The following GIMAP6 variants were observed in gnomAD, a reference collection of about 807,000 sequenced individuals.
GIMAP6 encodes GTPase, IMAP family member 6.
In GIMAP6, 6 loss-of-function variants were observed where a neutral mutation model predicts 9.3. The observed-to-expected ratio is 0.65, with a 90% CI of 0.35 to 1.27. The LOEUF is 1.27. GIMAP6 is among the 50% of genes most tolerant of loss of function. GIMAP6 has a pLI of 0.03. For missense variants in GIMAP6, 333 were observed against 359.5 expected (o/e 0.93, Z 0.60); for synonymous variants, 156 against 151.1 (o/e 1.03, Z -0.24).
chr7:150,630,127 A>ATTC lies in GIMAP6; in HGVS notation c.13_15dup (p.Glu5dup). ...GGATTCTCCTGGGGAATTTGTTCAT[A>ATTC]TTCTTCTTCCTCCATCTACAAAAAA... On this transcript the variant is annotated inframe_insertion, in exon 2 of 3. Transcript: ENST00000328902. 1 of 1,351,338 alleles carries ATTC rather than the reference A, an allele frequency of 7.4e-7. No homozygotes were observed. 83.7% of individuals were successfully genotyped at this position (1,351,338 alleles called of 1,614,324 possible). A position where few individuals can be genotyped will look rare whatever the true frequency, so the allele number is the denominator to read the frequency against.
At chr7:150,628,888 A>C in intron 2 of GIMAP6, 1 of 591,332 alleles carries the variant, frequency 1.7e-6, no homozygotes, top group Non-Finnish European at 2.8e-6. Context: ...CTGGTTTCCC[A>C]GTCTTGTCCC....
intron 2 of GIMAP6, 65 bp downstream of exon 2, chr7:150,629,993 T>G (rs1585183573): frequency 9.6e-7 from 1 of 1,046,968 alleles, no homozygotes; most frequent in Admixed American, 2.1e-5. Flanking sequence ...ACTATGGTGG[T>G]GGAGCTGTGT....
At position 150,628,326 on chromosome 7, in the gene GIMAP6, A is replaced by G; in HGVS notation, c.272T>C (p.Leu91Pro). The change falls in exon 3 of 3, where the codon CTT becomes CCT. Residue 91 changes from leucine to proline, a missense_variant. Physicochemically the swap from Leu to Pro is moderately conservative, Grantham distance 98. Transcript: ENST00000328902. Reference sequence around the variant, plus strand: ...AATGTTGGGTGTGTCAATCACCTCAAGCTCCTTCCCAGCCCACTCTCGGCT... The same window carrying G: ...AATGTTGGGTGTGTCAATCACCTCAGGCTCCTTCCCAGCCCACTCTCGGCT... ...RRSREWAGKE[L>P]EVIDTPNILS... The G allele has an allele frequency of 6.2e-7, 1 of 1,614,044 alleles. No individual in the cohort carries two copies. The highest frequency in any genetic ancestry group is 2.2e-5 in the East Asian group (1 of 44,870).
chr7:150,628,528 G>C lies in GIMAP6; in HGVS notation c.86-16C>G. 2 of 1,611,032 alleles carry C rather than the reference G, an allele frequency of 1.2e-6. No individual in the cohort carries two copies. The highest frequency in any genetic ancestry group is 1.7e-6 in the Non-Finnish European group (2 of 1,180,006). On this transcript the variant is annotated splice_polypyrimidine_tract_variant and intron_variant, in intron 2 of 2. Coordinates refer to ENST00000328902, the MANE Select transcript of GIMAP6 (RefSeq NM_024711.6). Reference sequence around the variant, plus strand: ...TCCCTTAGACCTAGAAATATCCAAAGAAAGCAGAGGGAACTGGGGTAAGGG... The same window carrying C: ...TCCCTTAGACCTAGAAATATCCAAACAAAGCAGAGGGAACTGGGGTAAGGG...
At chr7:150,628,817 C>T in intron 2 of GIMAP6, 1 of 1,272,662 alleles carries the variant, frequency 7.9e-7, no homozygotes, top group Non-Finnish European at 1.0e-6. Flanking sequence ...GAAGGGAATT[C>T]CCTTCTCCTG....
At position 150,627,101 on chromosome 7, in the gene GIMAP6, A is replaced by T. The variant is rs1045065549; in HGVS notation, c.*618T>A. The T allele has an allele frequency of 6.4e-6, 1 of 156,040 alleles. No homozygotes were observed. The highest frequency in any genetic ancestry group is 1.4e-5 in the Non-Finnish European group (1 of 70,794). The allele number at this position is 156,040 out of a possible 1,614,324, so 9.7% of individuals were successfully genotyped here. A position where few individuals can be genotyped will look rare whatever the true frequency, so the allele number is the denominator to read the frequency against. Reference sequence around the variant, plus strand: ...CAACGGGGCTTGTTTGTTACAGCTCAAGAGTGAATAAAAGGGCTGCTCCTC... The same window carrying T: ...CAACGGGGCTTGTTTGTTACAGCTCTAGAGTGAATAAAAGGGCTGCTCCTC... On this transcript the variant is annotated 3_prime_UTR_variant, in exon 3 of 3. Transcript: ENST00000328902.
In GIMAP6 at chr7:150,627,050, C is replaced by T. The variant is rs1284182486; in HGVS notation, c.*669G>A. ...TTCTTGGATACCCTGCCCCAAACTT[C>T]TCCCATCATTCCCACTAGGAAGTTC... On this transcript the variant is annotated 3_prime_UTR_variant, in exon 3 of 3. Coordinates refer to ENST00000328902, the MANE Select transcript of GIMAP6 (RefSeq NM_024711.6). 6.5e-6 allele frequency: 1 copy of T among 152,988 alleles called. No homozygotes were observed. The highest frequency in any genetic ancestry group is 1.9e-4 in the East Asian group (1 of 5,202). 9.5% of individuals were successfully genotyped at this position (152,988 alleles called of 1,614,324 possible). A position where few individuals can be genotyped will look rare whatever the true frequency, so the allele number is the denominator to read the frequency against.
At position 150,628,094 on chromosome 7, in the gene GIMAP6, C is replaced by T. The variant is rs766102408; in HGVS notation, c.504G>A (p.Leu168=). ...CATAGTCTTCCAGGGAGCCGCCAGCCAGGTCTTCCTTCCGGGTGAACACCA... is the reference window on the plus strand; with the variant it reads ...CATAGTCTTCCAGGGAGCCGCCAGCTAGGTCTTCCTTCCGGGTGAACACCA... ...TILVFTRKED[L]AGGSLEDYVR... Residue 168 remains leucine (L), a synonymous_variant, in exon 3 of 3, where the codon CTG becomes CTA. Coordinates refer to ENST00000328902, the MANE Select transcript of GIMAP6 (RefSeq NM_024711.6). 3.1e-6 allele frequency: 5 copies of T among 1,614,098 alleles called. No individual in the cohort carries two copies. The highest frequency in any genetic ancestry group is 4.2e-6 in the Non-Finnish European group (5 of 1,180,056).
intron 2 of GIMAP6, among the ~76,000 whole-genome samples, chr7:150,629,434 A>G (rs1013820476): frequency 8.5e-5 from 13 of 152,192 alleles, no homozygotes; most frequent in African/African-American, 3.1e-4. Flanking sequence ...ATGAATCACA[A>G]ATCATTTCTT....
In GIMAP6 at chr7:150,626,590, A is replaced by G. The variant is rs545055906; in HGVS notation, c.*1129T>C. Reference sequence around the variant, plus strand: ...AGGAACAGCCTTCCAGGAAAACATCATGGGCTTCAGAGTTCTCCCATAAAC... The same window carrying G: ...AGGAACAGCCTTCCAGGAAAACATCGTGGGCTTCAGAGTTCTCCCATAAAC... On this transcript the variant is annotated 3_prime_UTR_variant, in exon 3 of 3. Transcript: ENST00000328902. The G allele has an allele frequency of 6.6e-6, 1 of 152,352 alleles. No individual in the cohort carries two copies. The highest frequency in any genetic ancestry group is 2.1e-4 in the South Asian group (1 of 4,830). The allele number at this position is 152,352 out of a possible 1,614,324, so 9.4% of individuals were successfully genotyped here. A position where few individuals can be genotyped will look rare whatever the true frequency, so the allele number is the denominator to read the frequency against.
At chr7:150,629,789 T>C (rs937398090) in intron 2 of GIMAP6, among the ~76,000 whole-genome samples, 1 of 152,186 alleles carries the variant, frequency 6.6e-6, no homozygotes, top group Non-Finnish European at 1.5e-5. Flanking sequence ...TGTGAAAGCA[T>C]TTCCTTTGGG....
At chr7:150,629,031 C>T (rs909450757) in intron 2 of GIMAP6, among the ~76,000 whole-genome samples, 3 of 152,212 alleles carry the variant, frequency 2.0e-5, no homozygotes, top group Non-Finnish European at 4.4e-5. Context: ...TTGGCTCTGA[C>T]CCACGTGCCA....
chr7:150,632,030 ACAC>A (rs1295202195), intron 1 of GIMAP6, 136 bp downstream of exon 1: 2 of 152,244 alleles, frequency 1.3e-5, no homozygotes, highest in African/African-American at 4.8e-5. Flanking sequence ...TCACATACAC[ACAC>A]AACACAAACA....
In GIMAP6 at chr7:150,627,804, T is replaced by C; in HGVS notation, c.794A>G (p.Glu265Gly). 1 of 1,614,220 alleles carries C rather than the reference T, an allele frequency of 6.2e-7. No individual in the cohort carries two copies. Among genetic ancestry groups the C allele is most frequent in the Non-Finnish European group, 8.5e-7 (1 of 1,180,022 alleles). The change falls in exon 3 of 3, where the codon GAG becomes GGG. Residue 265 changes from glutamate to glycine, a missense_variant. Transcript: ENST00000328902. The stretch of plus-strand genomic sequence containing the variant: ...GGACAGTCCTTCCAGCCAAGACTCC[T>C]CACCAGGCACGTCCTCAGAGCCTTG... ...QGQGSEDVPG[E>G]ESWLEGLSQI...
chr7:150,625,444 G>A lies in GIMAP6; in HGVS notation c.*2275C>T, dbSNP rs1051060785. 2.0e-5 allele frequency: 3 copies of A among 152,152 alleles called. No homozygotes were observed. The highest frequency in any genetic ancestry group is 4.4e-5 in the Non-Finnish European group (3 of 68,030). The allele number at this position is 152,152 out of a possible 1,614,324, so 9.4% of individuals were successfully genotyped here. A position where few individuals can be genotyped will look rare whatever the true frequency, so the allele number is the denominator to read the frequency against. The stretch of plus-strand genomic sequence containing the variant: ...GTGCCTTGCCAGTTAGTCGCTGAAT[G>A]GATCTCATTTGGTCAAATGCTTGTG... On this transcript the variant is annotated 3_prime_UTR_variant, in exon 3 of 3. Coordinates refer to ENST00000328902, the MANE Select transcript of GIMAP6 (RefSeq NM_024711.6).
chr7:150,627,920 G>A lies in GIMAP6; in HGVS notation c.678C>T (p.Asn226=), dbSNP rs771076874. 68 of 1,614,088 alleles carry A rather than the reference G, an allele frequency of 4.2e-5. No individual in the cohort carries two copies. The highest frequency in any genetic ancestry group is 2.0e-4 in the East Asian group (9 of 44,894). Residue 226 remains asparagine, a synonymous_variant, in exon 3 of 3, where the codon AAC becomes AAT. Transcript: ENST00000328902. Reference sequence around the variant, plus strand: ...CCTTGTTGCTGTAATAATCTCCTTCGTTTTCCCACATAATGGCTTCAACTT... The same window carrying A: ...CCTTGTTGCTGTAATAATCTCCTTCATTTTCCCACATAATGGCTTCAACTT... ...MEKVEAIMWE[N]EGDYYSNKAY...
rs1468517144 is a variant in GIMAP6 at position 150,626,426 on chromosome 7, C to T, written c.*1293G>A. 1 of 152,272 alleles carries T rather than the reference C, an allele frequency of 6.6e-6. No homozygotes were observed. The highest frequency in any genetic ancestry group is 1.9e-4 in the East Asian group (1 of 5,196). 9.4% of individuals were successfully genotyped at this position (152,272 alleles called of 1,614,324 possible). The stretch of plus-strand genomic sequence containing the variant: ...TCAACTCCCCAGGAGCATCTTGGAC[C>T]TCAAAGGAGGTGGGGTGCACCCGGG... On this transcript the variant is annotated 3_prime_UTR_variant, in exon 3 of 3. Transcript: ENST00000328902.
Position 150,628,364 on chromosome 7 carries a change from G to A in GIMAP6, c.234C>T (p.Thr78=), listed in dbSNP as rs777248371. The A allele has an allele frequency of 6.2e-7, 1 of 1,614,116 alleles. No individual in the cohort carries two copies. The highest frequency in any genetic ancestry group is 8.5e-7 in the Non-Finnish European group (1 of 1,179,976). The part of the protein sequence containing the change: ...SKLSTRPVTK[T]SQRRSREWAG... Reference sequence around the variant, plus strand: ...CCCACTCTCGGCTCCGTCTCTGGGAGGTCTTGGTCACGGGTCTGGTGCTGA... The same window carrying A: ...CCCACTCTCGGCTCCGTCTCTGGGAAGTCTTGGTCACGGGTCTGGTGCTGA... The change falls in exon 3 of 3, where the codon ACC becomes ACT. Residue 78 remains threonine (T), a synonymous_variant. Coordinates refer to ENST00000328902, the MANE Select transcript of GIMAP6 (RefSeq NM_024711.6).
chr7:150,628,227 TG>T lies in GIMAP6; in HGVS notation c.370del (p.His124ThrfsTer6). 1 of 1,614,142 alleles carries T rather than the reference TG, an allele frequency of 6.2e-7. No homozygotes were observed. The highest frequency in any genetic ancestry group is 8.5e-7 in the Non-Finnish European group (1 of 1,180,002). On this transcript the variant is annotated frameshift_variant, in exon 3 of 3. Coordinates refer to ENST00000328902, the MANE Select transcript of GIMAP6 (RefSeq NM_024711.6). LOFTEE classifies it low-confidence loss of function (END_TRUNC). ...CAGTTGTGTCACCAGGAGCACGGCG[TG>T]GGGCCCTGGGGCGGATAAGACGATG... ...QAIVLSAPGP[H>X]AVLLVTQLGR...
Sources: allele counts gnomAD v4.1 joint callset (sites outside exome capture counted in the v4.1 genomes callset), GRCh38; gene constraint gnomAD v4.1.1; transcripts MANE v1.5; gene names NCBI Gene and HGNC (gene_info 2026-07-23, HGNC 2026-07-21).